Variants in PDE1C observed in about 807,000 individuals in gnomAD.
PDE1C encodes dual specificity calcium/calmodulin-dependent 3',5'-cyclic nucleotide phosphodiesterase 1C.
A neutral mutation model predicts 93.1 loss-of-function variants in PDE1C; 62 were observed. That is an observed-to-expected ratio of 0.67 (90% CI 0.54 to 0.82). PDE1C has a LOEUF of 0.82. PDE1C is among the 40% of genes least tolerant of loss of function. PDE1C has a pLI of 0.00. For synonymous variants in PDE1C, 325 were observed against 310.1 expected (o/e 1.05, Z -0.50); for missense variants, 742 against 884.6 (o/e 0.84, Z 2.04).
At chr7:31,702,232 G>C in the PDE1C span, among the ~76,000 whole-genome samples, 2 of 150,438 alleles carry the variant, frequency 1.3e-5, no homozygotes, top group Non-Finnish European at 2.9e-5. Flanking sequence ...TCTACCAATA[G>C]ATTGTTGTTC....
chr7:32,292,152 T>C (rs1385937473), intron 1 of PDE1C, among the ~76,000 whole-genome samples: 11 of 152,192 alleles, frequency 7.2e-5, no homozygotes, highest in Admixed American at 6.5e-4. Context: ...TAGAAACTTT[T>C]GCTTTTGTGG....
At chr7:32,265,107 G>A (rs945790302) in intron 1 of PDE1C, among the ~76,000 whole-genome samples, 6 of 152,200 alleles carry the variant, frequency 3.9e-5, no homozygotes, top group Non-Finnish European at 8.8e-5. Flanking sequence ...ACTCCAGAGA[G>A]AGCAACCTTA....
intron 1 of PDE1C, among the ~76,000 whole-genome samples, chr7:32,419,105 T>C (rs923094110): frequency 6.6e-6 from 1 of 152,218 alleles, no homozygotes; most frequent in African/African-American, 2.4e-5. Flanking sequence ...TTGGTTAAAA[T>C]ATTTTTTAAA....
chr7:32,220,993 T>G (rs988414651), intron 1 of PDE1C, among the ~76,000 whole-genome samples: 7 of 152,158 alleles, frequency 4.6e-5, no homozygotes, highest in Non-Finnish European at 1.0e-4. Context: ...AAGCTCTTCT[T>G]CGTAATGATG....
chr7:31,793,849 ATAT>A (rs1302910190), intron 16 of PDE1C, among the ~76,000 whole-genome samples: 2 of 152,084 alleles, frequency 1.3e-5, no homozygotes, highest in Non-Finnish European at 2.9e-5. Flanking sequence ...ATAATAGAGC[ATAT>A]TATTATAATA....
At chr7:31,915,196 T>C (rs543609696) in intron 2 of PDE1C, among the ~76,000 whole-genome samples, 46 of 152,324 alleles carry the variant, frequency 3.0e-4, no homozygotes, top group African/African-American at 1.1e-3. Flanking sequence ...GCCATGAGTC[T>C]GTATCCTTTA....
intron 1 of PDE1C, among the ~76,000 whole-genome samples, chr7:32,317,934 G>A (rs555743181): frequency 1.3e-5 from 2 of 152,046 alleles, no homozygotes; most frequent in African/African-American, 4.8e-5. Flanking sequence ...ACTTTCATAC[G>A]TTATCTCATT....
the PDE1C span, among the ~76,000 whole-genome samples, chr7:31,735,586 G>A: frequency 1.3e-5 from 2 of 152,142 alleles, no homozygotes; most frequent in East Asian, 3.8e-4. Context: ...TGTGAACTTT[G>A]AATTTCAGTT....
chr7:32,406,187 C>A (rs1000031455), intron 1 of PDE1C, among the ~76,000 whole-genome samples: 2 of 152,194 alleles, frequency 1.3e-5, no homozygotes, highest in Non-Finnish European at 2.9e-5. Context: ...CTACCTCTTT[C>A]CCCTGCACCA....
the PDE1C span, among the ~76,000 whole-genome samples, chr7:31,683,233 A>G: frequency 6.6e-6 from 1 of 152,160 alleles, no homozygotes; most frequent in African/African-American, 2.4e-5. Flanking sequence ...CCATCAGGGG[A>G]AACTGTGCAC....
downstream of PDE1C, among the ~76,000 whole-genome samples, chr7:31,750,791 G>A (rs1005539036): frequency 1.3e-5 from 2 of 152,202 alleles, no homozygotes; most frequent in African/African-American, 2.4e-5. Flanking sequence ...GAATGCAGCG[G>A]CGTGATCTCG....
intron 3 of PDE1C, among the ~76,000 whole-genome samples, chr7:32,132,106 G>A (rs1799948311): frequency 1.3e-5 from 2 of 152,136 alleles, no homozygotes; most frequent in Non-Finnish European, 2.9e-5. Flanking sequence ...GCCAGCATAT[G>A]ATGACTTAGG....
In PDE1C at chr7:32,219,013, A is replaced by G. The variant is rs567049055; in HGVS notation, c.86-9474T>C. 6.6e-5 allele frequency among the ~76,000 whole-genome samples: 10 copies of G among 152,354 alleles called. No individual in the cohort carries two copies. The South Asian group carries it at 2.1e-3, about 32-fold the overall frequency. ...GGCCTGGCCCCGAGCTTCCTGGTAC[A>G]TATCATTCAACTTGTTGCCATATGA... On this transcript the variant is annotated intron_variant, in intron 1 of 18. Transcript: ENST00000396193.
chr7:31,796,433 T>C (rs1392108851), intron 16 of PDE1C, among the ~76,000 whole-genome samples: 1 of 151,676 alleles, frequency 6.6e-6, no homozygotes, highest in Admixed American at 6.6e-5. Context: ...TTATAATTCC[T>C]TTATATTCAT....
intron 1 of PDE1C, among the ~76,000 whole-genome samples, chr7:32,334,244 T>G (rs995726317): frequency 3.9e-5 from 6 of 152,250 alleles, no homozygotes; most frequent in Admixed American, 6.5e-5. Flanking sequence ...TAAATAAAGA[T>G]CCTTAATTTT....
chr7:31,660,945 A>G, the PDE1C span, among the ~76,000 whole-genome samples: 4 of 152,200 alleles, frequency 2.6e-5, no homozygotes, highest in Non-Finnish European at 5.9e-5. Context: ...GCCTATATAT[A>G]GTGTTCCAAT....
rs551446631 is a variant in PDE1C at position 31,809,866 on chromosome 7, C to G, written c.1814-758G>C. On this transcript the variant is annotated intron_variant, in intron 15 of 17. Transcript: ENST00000396191. Reference sequence around the variant, plus strand: ...AACTTCACAGTACCTAGGCTTGAATCAAATAGTAAGTAAAGTTAAACACAG... The same window carrying G: ...AACTTCACAGTACCTAGGCTTGAATGAAATAGTAAGTAAAGTTAAACACAG... Among the ~76,000 whole-genome samples the G allele has an allele frequency of 5.3e-5, 8 of 152,064 alleles. No homozygotes were observed. The South Asian group carries it at 1.7e-3, about 31-fold the overall frequency.
chr7:32,217,280 G>T (rs1806505824), intron 1 of PDE1C, among the ~76,000 whole-genome samples: 1 of 152,202 alleles, frequency 6.6e-6, no homozygotes, highest in Admixed American at 6.5e-5. Flanking sequence ...AACAGGTGAG[G>T]AAAGTGACAT....
chr7:31,669,774 T>G, the PDE1C span, among the ~76,000 whole-genome samples: 2 of 152,238 alleles, frequency 1.3e-5, no homozygotes, highest in African/African-American at 2.4e-5. Context: ...GGTCTGCTTT[T>G]CAACACAATT....
Sources: allele counts gnomAD v4.1 joint callset (sites outside exome capture counted in the v4.1 genomes callset), GRCh38; gene constraint gnomAD v4.1.1; transcripts MANE v1.5; gene names NCBI Gene and HGNC (gene_info 2026-07-23, HGNC 2026-07-21).